Variants in PPP3CB observed in about 807,000 individuals in gnomAD.
PPP3CB encodes the protein protein phosphatase 3 catalytic subunit beta.
PPP3CB carries 8 observed loss-of-function variants against 66.4 expected under a neutral mutation model. The observed-to-expected ratio is 0.12, with a 90% CI of 0.07 to 0.22. PPP3CB has a LOEUF of 0.22. Among genes scored for constraint, PPP3CB ranks in the 10% least tolerant of loss-of-function variants. PPP3CB has a pLI of 1.00. For missense variants in PPP3CB, 319 were observed against 642.5 expected (o/e 0.50, Z 5.44); for synonymous variants, 208 against 221.2 (o/e 0.94, Z 0.53).
rs192166200 is a variant in PPP3CB at position 73,486,689 on chromosome 10, T to C, written c.86-7172A>G. On this transcript the variant is annotated intron_variant, in intron 1 of 13. Coordinates refer to ENST00000360663, the MANE Select transcript of PPP3CB (RefSeq NM_021132.4). ...TGGGTCTCCTGAAGGACAACACTTA[T>C]CAAATTCTTTTTTCAAAGTGGATGG... Among the ~76,000 whole-genome samples, 14 of 152,360 alleles carry C rather than the reference T, an allele frequency of 9.2e-5. No homozygotes were observed. In the East Asian group the frequency reaches 1.5e-3, roughly 17 times the overall value.
chr10:73,446,108 C>CTT (rs770474339), intron 11 of PPP3CB, among the ~76,000 whole-genome samples: 17 of 138,164 alleles, frequency 1.2e-4, no homozygotes, highest in African/African-American at 3.4e-4. Context: ...TTTTTTCTTT[C>CTT]TTTTTTTTTT....
intron 9 of PPP3CB, among the ~76,000 whole-genome samples, chr10:73,456,639 A>G (rs1407962314): frequency 6.6e-6 from 1 of 152,238 alleles, no homozygotes; most frequent in Non-Finnish European, 1.5e-5. Context: ...AAATGGTCAC[A>G]TGCGAAAGAA....
At chr10:73,482,542 CAAAAAAAA>C (rs537336452) in intron 1 of PPP3CB, among the ~76,000 whole-genome samples, 16 of 36,748 alleles carry the variant, frequency 4.4e-4, no homozygotes, top group African/African-American at 1.2e-3. Flanking sequence ...GACTCCGTCT[CAAAAAAAA>C]AAAAAAAAAA....
At position 73,437,984 on chromosome 10, in the gene PPP3CB, G is replaced by A; in HGVS notation, c.*258C>T. 2 of 361,338 alleles carry A rather than the reference G, an allele frequency of 5.5e-6. No homozygotes were observed. Among genetic ancestry groups the A allele is most frequent in the Non-Finnish European group, 9.8e-6 (2 of 203,088 alleles). 22.4% of individuals were successfully genotyped at this position (361,338 alleles called of 1,614,324 possible). Reference sequence around the variant, plus strand: ...AACCACAAGCATAAAATGGAGGTGTGGATGCCCTCCACTGGAAATTGCCCC... The same window carrying A: ...AACCACAAGCATAAAATGGAGGTGTAGATGCCCTCCACTGGAAATTGCCCC... On this transcript the variant is annotated 3_prime_UTR_variant, in exon 14 of 14. Transcript: ENST00000360663.
intron 13 of PPP3CB, among the ~76,000 whole-genome samples, chr10:73,439,352 CTATA>C (rs1312608295): frequency 6.6e-6 from 1 of 152,086 alleles, no homozygotes; most frequent in East Asian, 1.9e-4. Context: ...TATCCATAAA[CTATA>C]GCCCAAACTG....
At chr10:73,474,171 T>G (rs1270336542) in intron 4 of PPP3CB, among the ~76,000 whole-genome samples, 1 of 151,294 alleles carries the variant, frequency 6.6e-6, no homozygotes, top group African/African-American at 2.4e-5. Context: ...GCCTCCTGAG[T>G]ACCTGGGATT....
rs1186461795 is a variant in PPP3CB at position 73,495,868 on chromosome 10, G to T, written c.22C>A (p.Arg8=). 11 of 1,383,590 alleles carry T rather than the reference G, an allele frequency of 8.0e-6. No homozygotes were observed. The highest frequency in any genetic ancestry group is 9.3e-6 in the Non-Finnish European group (10 of 1,070,706). The allele number at this position is 1,383,590 out of a possible 1,614,324, so 85.7% of individuals were successfully genotyped here. Residue 8 remains arginine (R), a synonymous_variant, in exon 1 of 14, where the codon CGG becomes AGG. Coordinates refer to ENST00000360663, the MANE Select transcript of PPP3CB (RefSeq NM_021132.4). MAAPEPA[R]AAPPPPPPPP... ...GGCGGGGGTGGGGGCGGTGCAGCCC[G>T]GGCCGGCTCCGGGGCGGCCATGCTG... is the stretch of plus-strand genomic sequence containing the variant.
intron 1 of PPP3CB, among the ~76,000 whole-genome samples, chr10:73,482,522 G>A (rs1426594760): frequency 1.9e-4 from 20 of 107,086 alleles, no homozygotes; most frequent in African/African-American, 5.3e-4. Flanking sequence ...CAGCCTGGGC[G>A]ACAGAGCGAG....
intron 9 of PPP3CB, among the ~76,000 whole-genome samples, chr10:73,461,519 CT>C (rs1230381585): frequency 3.3e-5 from 5 of 152,050 alleles, no homozygotes; most frequent in Non-Finnish European, 7.4e-5. Flanking sequence ...AACCCCTTTT[CT>C]TTTAGCAGAT....
chr10:73,454,369 C>T (rs781052801), intron 10 of PPP3CB, 43 bp downstream of exon 10: 3 of 1,473,598 alleles, frequency 2.0e-6, no homozygotes, highest in Non-Finnish European at 2.8e-6. Flanking sequence ...AAAGAAATAC[C>T]ATTTCACAGT....
intron 13 of PPP3CB, among the ~76,000 whole-genome samples, chr10:73,439,064 C>A (rs1258984396): frequency 6.6e-6 from 1 of 152,132 alleles, no homozygotes; most frequent in African/African-American, 2.4e-5. Flanking sequence ...CTCCTTAATT[C>A]ATTGGCCATA....
At chr10:73,477,354 T>C in intron 3 of PPP3CB, 1 of 442,830 alleles carries the variant, frequency 2.3e-6, no homozygotes, top group Middle Eastern at 3.7e-4. Flanking sequence ...AAAGCATCAT[T>C]TGTAAAGAAA....
chr10:73,463,441 T>C (rs1250652834), intron 9 of PPP3CB, among the ~76,000 whole-genome samples: 1 of 152,094 alleles, frequency 6.6e-6, no homozygotes, highest in Non-Finnish European at 1.5e-5. Flanking sequence ...TAACCTAACT[T>C]TTCATTCTTT....
intron 10 of PPP3CB, chr10:73,448,687 C>T: frequency 3.8e-6 from 2 of 533,178 alleles, no homozygotes; most frequent in Non-Finnish European, 3.8e-6. Context: ...ATATATGAGC[C>T]GTTCTTCAGA....
chr10:73,476,893 G>A (rs931293445), intron 3 of PPP3CB, among the ~76,000 whole-genome samples: 2 of 152,084 alleles, frequency 1.3e-5, no homozygotes, highest in African/African-American at 4.8e-5. Context: ...ACAGAGTCTA[G>A]AACTTCCTTC....
intron 12 of PPP3CB, among the ~76,000 whole-genome samples, chr10:73,440,174 C>A (rs1049163301): frequency 6.6e-6 from 1 of 152,198 alleles, no homozygotes; most frequent in Non-Finnish European, 1.5e-5. Context: ...AGCACCCATG[C>A]AAATGCACTC....
intron 4 of PPP3CB, 73 bp from the exon 5 acceptor site, chr10:73,471,686 A>G (rs2056704052): frequency 8.3e-7 from 1 of 1,202,344 alleles, no homozygotes; most frequent in East Asian, 2.5e-5. Flanking sequence ...CATATATATT[A>G]GATTTTTATT....
intron 3 of PPP3CB, among the ~76,000 whole-genome samples, chr10:73,476,905 ACT>A (rs1196037549): frequency 5.0e-4 from 76 of 152,158 alleles, no homozygotes; most frequent in Admixed American, 5.0e-3. Flanking sequence ...ACTTCCTTCC[ACT>A]CTGAGAATCC....
At chr10:73,482,040 A>G (rs777461614) in intron 1 of PPP3CB, among the ~76,000 whole-genome samples, 2 of 152,202 alleles carry the variant, frequency 1.3e-5, no homozygotes, top group Non-Finnish European at 2.9e-5. Context: ...CCCTCATGGT[A>G]GAGTAATTGT....
Sources: allele counts gnomAD v4.1 joint callset (sites outside exome capture counted in the v4.1 genomes callset), GRCh38; gene constraint gnomAD v4.1.1; transcripts MANE v1.5; gene names NCBI Gene and HGNC (gene_info 2026-07-23, HGNC 2026-07-21).